The following SSH2 variants were observed in gnomAD, a reference collection of about 807,000 sequenced individuals.
SSH2 encodes slingshot protein phosphatase 2.
In SSH2, 37 loss-of-function variants were observed where a neutral mutation model predicts 135.2. That is an observed-to-expected ratio of 0.27 (90% CI 0.21 to 0.36). The LOEUF (loss-of-function observed/expected upper bound fraction) is 0.36, where lower values mean the gene tolerates loss of function less well. Among genes scored for constraint, SSH2 ranks in the 10% least tolerant of loss-of-function variants. The pLI is 1.00. For missense variants in SSH2, 1,408 were observed against 1,765.3 expected, an observed-to-expected ratio of 0.80 and a Z score of 3.63; for synonymous variants, 628 against 646.2, an observed-to-expected ratio of 0.97 and a Z score of 0.43.
chr17:29,691,885 T>C (rs1321713020), intron 5 of SSH2, among the ~76,000 whole-genome samples: 6 of 150,820 alleles, frequency 4.0e-5, no homozygotes, highest in African/African-American at 1.5e-4. Context: ...ATGCCTGTAA[T>C]CCCAGCACTT....
At chr17:29,732,232 C>T (rs898124489) in intron 3 of SSH2, among the ~76,000 whole-genome samples, 8 of 152,118 alleles carry the variant, frequency 5.3e-5, no homozygotes, top group African/African-American at 1.9e-4. Flanking sequence ...TTTCTTTCTT[C>T]TTAGTAGGCA....
chr17:29,665,029 A>C (rs2037214282), intron 11 of SSH2, among the ~76,000 whole-genome samples: 2 of 152,178 alleles, frequency 1.3e-5, no homozygotes, highest in Admixed American at 1.3e-4. Flanking sequence ...TTGCAGCTTC[A>C]GTCACATGAG....
chr17:29,781,473 CTTTTTTTTTTTT>C (rs541361010), intron 3 of SSH2, among the ~76,000 whole-genome samples: 2 of 81,844 alleles, frequency 2.4e-5, no homozygotes. Flanking sequence ...CCTGTGTTTT[CTTTTTTTTTTTT>C]TTTTTTTTTT....
intron 3 of SSH2, among the ~76,000 whole-genome samples, chr17:29,727,084 AGCT>A (rs1476525449): frequency 9.9e-5 from 15 of 152,236 alleles, no homozygotes; most frequent in African/African-American, 3.6e-4. Flanking sequence ...AGGGAGGAAC[AGCT>A]GCAGAGAATG....
chr17:29,787,576 C>T (rs1396191640), intron 3 of SSH2: 2 of 152,128 alleles, frequency 1.3e-5, no homozygotes, highest in Non-Finnish European at 2.9e-5. Context: ...TCCATTGCAG[C>T]TATGCCATTT....
intron 11 of SSH2, among the ~76,000 whole-genome samples, chr17:29,663,606 AT>A (rs1343573295): frequency 1.3e-5 from 2 of 152,192 alleles, no homozygotes; most frequent in African/African-American, 2.4e-5. Flanking sequence ...GAAAATGTCC[AT>A]TTTCTAGAAT....
intron 6 of SSH2, among the ~76,000 whole-genome samples, chr17:29,678,755 C>T (rs2037839087): frequency 8.5e-6 from 1 of 117,842 alleles, no homozygotes; most frequent in East Asian, 2.6e-4. Flanking sequence ...CCCTCTGTTG[C>T]CCAGGCTGGA....
At chr17:29,636,948 A>G in intron 14 of SSH2, 146 bp from the exon 15 acceptor site, 1 of 627,346 alleles carries the variant, frequency 1.6e-6, no homozygotes, top group Non-Finnish European at 2.7e-6. Context: ...GTTTGAAAAG[A>G]CAATTTAATA....
intron 1 of SSH2, among the ~76,000 whole-genome samples, chr17:29,902,327 A>G (rs1408935386): frequency 6.6e-6 from 1 of 152,152 alleles, no homozygotes. Context: ...TAAAATAGCA[A>G]CCCCATGAAT....
chr17:29,626,838 A>C lies in SSH2; in HGVS notation c.*4003T>G, dbSNP rs2035515518. The C allele has an allele frequency of 6.6e-6, 1 of 152,630 alleles. No homozygotes were observed. Among genetic ancestry groups the C allele is most frequent in the Non-Finnish European group, 1.5e-5 (1 of 68,034 alleles). 9.5% of individuals were successfully genotyped at this position (152,630 alleles called of 1,614,324 possible). ...ATCTTTTAGTTTGGAAGGGAAAACA[A>C]AGTCCAAGATGCTTTTAAGTTGGAT... On this transcript the variant is annotated 3_prime_UTR_variant, in exon 16 of 16. Coordinates refer to ENST00000540801, the MANE Select transcript of SSH2 (RefSeq NM_001282129.2).
At chr17:29,663,037 C>T in intron 11 of SSH2, among the ~76,000 whole-genome samples, 1 of 152,224 alleles carries the variant, frequency 6.6e-6, no homozygotes, top group East Asian at 1.9e-4. Flanking sequence ...CAAAGGCTTC[C>T]AGCTCAGAGA....
intron 14 of SSH2, among the ~76,000 whole-genome samples, chr17:29,647,393 G>C (rs1430497533): frequency 2.0e-5 from 3 of 151,158 alleles, no homozygotes; most frequent in Non-Finnish European, 4.4e-5. Flanking sequence ...ATGAATGAAT[G>C]GGCCAAAAAA....
At chr17:29,904,287 A>G (rs1256769905) in intron 1 of SSH2, among the ~76,000 whole-genome samples, 4 of 152,210 alleles carry the variant, frequency 2.6e-5, no homozygotes, top group African/African-American at 9.6e-5. Context: ...GCAGCACATC[A>G]AAAAGCTTAT....
At chr17:29,924,858 A>G (rs1597520681) in intron 1 of SSH2, among the ~76,000 whole-genome samples, 1 of 152,238 alleles carries the variant, frequency 6.6e-6, no homozygotes, top group East Asian at 1.9e-4. Flanking sequence ...GCACAAACTT[A>G]GATGATTCTG....
intron 1 of SSH2, among the ~76,000 whole-genome samples, chr17:29,897,225 A>G (rs937052359): frequency 3.3e-5 from 5 of 152,170 alleles, no homozygotes; most frequent in African/African-American, 1.2e-4. Flanking sequence ...TTCATCAACT[A>G]ACGAGCAAAA....
intron 1 of SSH2, among the ~76,000 whole-genome samples, chr17:29,872,233 C>T (rs1372557714): frequency 6.6e-6 from 1 of 152,180 alleles, no homozygotes; most frequent in African/African-American, 2.4e-5. Flanking sequence ...GTTTTACAAT[C>T]CCATGGAATT....
chr17:29,761,430 A>C (rs1219066137), intron 3 of SSH2: 1 of 1,009,114 alleles, frequency 9.9e-7, no homozygotes, highest in South Asian at 3.9e-5. Context: ...TAGAGTCCGG[A>C]CTGACGGGCG....
chr17:29,893,851 T>G (rs1044650150), intron 1 of SSH2, among the ~76,000 whole-genome samples: 4 of 152,196 alleles, frequency 2.6e-5, no homozygotes, highest in African/African-American at 9.6e-5. Flanking sequence ...CCATCCCTTT[T>G]AAAGAACTAT....
intron 15 of SSH2, among the ~76,000 whole-genome samples, chr17:29,633,512 C>A (rs1379567465): frequency 6.6e-6 from 1 of 152,236 alleles, no homozygotes; most frequent in Non-Finnish European, 1.5e-5. Context: ...CCTCTCACTG[C>A]TTCCCCTAGC....
Sources: gnomAD v4.1 joint callset for allele counts (sites outside exome capture counted in the v4.1 genomes callset) on GRCh38, gnomAD v4.1.1 for gene constraint, MANE v1.5 for transcripts, NCBI Gene and HGNC (gene_info 2026-07-23, HGNC 2026-07-21) for gene names.